The following PAX3 variants were observed in gnomAD, a reference collection of about 807,000 sequenced individuals.
PAX3 encodes the protein paired box protein Pax-3.
Under a neutral mutation model 51.6 loss-of-function variants are expected in PAX3, and 14 were observed. The observed-to-expected ratio is 0.27, with a 90% CI of 0.18 to 0.42. PAX3 has a LOEUF of 0.42. Ranked by LOEUF, PAX3 falls within the 10% of genes least tolerant of loss-of-function variation. The pLI is 1.00. For missense variants in PAX3, 540 were observed against 642.8 expected, an observed-to-expected ratio of 0.84 and a Z score of 1.73; for synonymous variants, 280 against 253.4, an observed-to-expected ratio of 1.11 and a Z score of -1.00.
chr2:222,295,151 G>C (rs1574766739), intron 3 of PAX3, among the ~76,000 whole-genome samples: 1 of 152,144 alleles, frequency 6.6e-6, no homozygotes, highest in South Asian at 2.1e-4. Context: ...TTGCGCACAC[G>C]GCAAAGTCCC....
rs13022712 is a variant in PAX3 at position 222,220,114 on chromosome 2, C to T, written c.1173+26G>A. 0.085 allele frequency: 135,405 copies of T among 1,594,274 alleles called. 7,626 individuals carry two copies. Among genetic ancestry groups the T allele is most frequent in the Admixed American group, 0.25 (15,068 of 59,550 alleles). On this transcript the variant is annotated intron_variant, in intron 7 of 8. Transcript: ENST00000392070. ...TATTTGGTTCTGGTATACAGCAAAT[C>T]GTCTGTCTAGAAACACGGGACTGAC...
At chr2:222,244,734 CAAA>C (rs35127003) in intron 4 of PAX3, among the ~76,000 whole-genome samples, 26,441 of 109,516 alleles carry the variant, frequency 0.24, 2,455 homozygotes, top group East Asian at 0.43. Flanking sequence ...TATTGTTCAC[CAAA>C]AAAAAAAAAA....
chr2:222,234,730 G>T (rs1321702205), intron 4 of PAX3, among the ~76,000 whole-genome samples: 1 of 152,222 alleles, frequency 6.6e-6, no homozygotes, highest in East Asian at 1.9e-4. Context: ...ATTAATTCTT[G>T]TCACTCTCAA....
At chr2:222,220,461 A>G in intron 6 of PAX3, 107 bp from the exon 7 acceptor site, 2 of 1,043,630 alleles carry the variant, frequency 1.9e-6, no homozygotes, top group Non-Finnish European at 3.0e-6. Context: ...TCTATTGATC[A>G]AATCAAATGT....
intron 7 of PAX3, among the ~76,000 whole-genome samples, chr2:222,206,774 T>C (rs536486755): frequency 1.3e-5 from 2 of 152,294 alleles, no homozygotes; most frequent in South Asian, 2.1e-4. Context: ...TAAAATGATA[T>C]GTCTGGAAAA....
intron 4 of PAX3, among the ~76,000 whole-genome samples, chr2:222,239,979 G>A (rs575849092): frequency 3.3e-5 from 5 of 152,124 alleles, no homozygotes; most frequent in South Asian, 2.1e-4. Context: ...GAAAAGTAAC[G>A]CTATTCCCCT....
intron 4 of PAX3, among the ~76,000 whole-genome samples, chr2:222,283,521 T>C (rs1694720445): frequency 6.6e-6 from 1 of 152,204 alleles, no homozygotes; most frequent in South Asian, 2.1e-4. Context: ...TTTTTTTTAA[T>C]CTGACAAAGT....
intron 4 of PAX3, among the ~76,000 whole-genome samples, chr2:222,291,643 C>A (rs1241802425): frequency 6.6e-6 from 1 of 152,142 alleles, no homozygotes; most frequent in Non-Finnish European, 1.5e-5. Flanking sequence ...GACCCACTAA[C>A]TGGAAAAGGG....
chr2:222,232,817 G>A lies in PAX3; in HGVS notation c.587-534C>T, dbSNP rs183154846. ...AAACTTGACTTAGTACCTAAGAAGC[G>A]AGTAACAGTTAACTATTCCCAGATT... On this transcript the variant is annotated intron_variant, in intron 4 of 8. Transcript: ENST00000392070. Among the ~76,000 whole-genome samples the A allele has an allele frequency of 7.9e-5, 12 of 152,172 alleles. No homozygotes were observed. In the East Asian group the frequency reaches 1.9e-3, roughly 24 times the overall value.
chr2:222,244,896 C>A (rs1693163455), intron 4 of PAX3, among the ~76,000 whole-genome samples: 2 of 152,032 alleles, frequency 1.3e-5, no homozygotes, highest in Admixed American at 6.6e-5. Flanking sequence ...GCCTGTAATC[C>A]CAGCACTTTG....
At chr2:222,206,506 G>A (rs563448432) in intron 7 of PAX3, among the ~76,000 whole-genome samples, 7 of 151,898 alleles carry the variant, frequency 4.6e-5, no homozygotes, top group South Asian at 2.1e-4. Context: ...CAAAGCTTCC[G>A]AATTTATGTC....
At position 222,251,026 on chromosome 2, in the gene PAX3, C is replaced by T. The variant is rs1341165420; in HGVS notation, c.587-18743G>A. Among the ~76,000 whole-genome samples the T allele has an allele frequency of 2.0e-5, 3 of 152,178 alleles. No homozygotes were observed. The East Asian group carries it at 5.8e-4, about 29-fold the overall frequency. Reference sequence around the variant, plus strand: ...CACTTCCACTGTCCTCTAGAGGTAACCACTTTGTGGTCATAACCACCCTCA... The same window carrying T: ...CACTTCCACTGTCCTCTAGAGGTAATCACTTTGTGGTCATAACCACCCTCA... On this transcript the variant is annotated intron_variant, in intron 4 of 8. Coordinates refer to ENST00000392070, the MANE Select transcript of PAX3 (RefSeq NM_181458.4).
chr2:222,246,394 C>G (rs1371629543), intron 4 of PAX3, among the ~76,000 whole-genome samples: 1 of 152,164 alleles, frequency 6.6e-6, no homozygotes, highest in Non-Finnish European at 1.5e-5. Context: ...ATGTTCGTTC[C>G]TAAGAAAAGC....
At chr2:222,223,712 A>G (rs1692283979) in intron 5 of PAX3, among the ~76,000 whole-genome samples, 2 of 152,254 alleles carry the variant, frequency 1.3e-5, no homozygotes. Flanking sequence ...GTGCATCTCC[A>G]GCTTTATATT....
chr2:222,220,187 G>A lies in PAX3; in HGVS notation c.1126C>T (p.Pro376Ser), dbSNP rs1435787173. Residue 376 changes from proline (P) to serine (S), a missense_variant, in exon 7 of 9, where the codon CCC (proline) becomes TCC (serine). By Grantham distance (74) the Pro-to-Ser change is moderately conservative. Around this residue, in one of 3 missense-constraint regions of PAX3, gnomAD observed 427 missense variants for 483.6 expected, o/e 0.88. Transcript: ENST00000392070. ...YTDSFVPPSG[P>S]SNPMNPTIGN... ...ATGGTGGGGTTCATGGGGTTGGAGG[G>A]CCCCGACGGAGGCACAAAGCTGTCT... is the stretch of plus-strand genomic sequence containing the variant. 4 of 1,613,886 alleles carry A rather than the reference G, an allele frequency of 2.5e-6. No individual in the cohort carries two copies. Among genetic ancestry groups the A allele is most frequent in the South Asian group, 1.1e-5 (1 of 91,080 alleles).
At chr2:222,224,091 G>A (rs1289125063) in intron 5 of PAX3, among the ~76,000 whole-genome samples, 1 of 152,142 alleles carries the variant, frequency 6.6e-6, no homozygotes, top group African/African-American at 2.4e-5. Flanking sequence ...AGAGTATAAG[G>A]GTTTGGGGGT....
chr2:222,229,026 T>C lies in PAX3; in HGVS notation c.792+3052A>G, dbSNP rs572181175. On this transcript the variant is annotated intron_variant, in intron 5 of 8. Coordinates refer to ENST00000392070, the MANE Select transcript of PAX3 (RefSeq NM_181458.4). ...AGAGGACAGGTACCAAATCCTGGAA[T>C]ATAGTGGCCACTCAAAAGAGGCATG... Among the ~76,000 whole-genome samples the C allele has an allele frequency of 5.3e-5, 8 of 152,194 alleles. No individual in the cohort carries two copies. The East Asian group carries it at 1.5e-3, about 29-fold the overall frequency.
chr2:222,201,989 T>G lies in PAX3; in HGVS notation c.1375A>C (p.Ser459Arg), dbSNP rs776059693. ...CPPTYSTTGYSMDPVTGYQYG... is the reference protein window; with the variant it reads ...CPPTYSTTGYRMDPVTGYQYG... ...TGGTAGCCTGTGACAGGGTCCATACTGTAGCCTGTGGTGCTATAGGTGGGT... is the reference window on the plus strand; with the variant it reads ...TGGTAGCCTGTGACAGGGTCCATACGGTAGCCTGTGGTGCTATAGGTGGGT... The change falls in exon 8 of 9, where the codon AGT becomes CGT. Residue 459 changes from serine (S) to arginine (R), a missense_variant. Ser to Arg is a moderately radical substitution (Grantham distance 110). This residue lies in a region of PAX3 where 427 missense variants were observed against 483.6 expected (regional missense o/e 0.88). Transcript: ENST00000392070. 11 of 1,614,010 alleles carry G rather than the reference T, an allele frequency of 6.8e-6. No individual in the cohort carries two copies. The East Asian group carries it at 2.5e-4, about 36-fold the overall frequency.
At chr2:222,289,828 A>G (rs1243049850) in intron 4 of PAX3, among the ~76,000 whole-genome samples, 1 of 152,198 alleles carries the variant, frequency 6.6e-6, no homozygotes, top group African/African-American at 2.4e-5. Flanking sequence ...GATACTTCCA[A>G]TATTTTTTAA....
Sources: allele counts gnomAD v4.1 joint callset (sites outside exome capture counted in the v4.1 genomes callset), GRCh38; gene constraint gnomAD v4.1.1; regional missense constraint gnomAD v4.1.1; transcripts MANE v1.5; gene names NCBI Gene and HGNC (gene_info 2026-07-23, HGNC 2026-07-21).